Variants in COL5A1 observed in about 807,000 individuals in gnomAD.
COL5A1 encodes collagen type V alpha 1 chain.
COL5A1 carries 16 observed loss-of-function variants against 263.7 expected under a neutral mutation model. The observed-to-expected ratio is 0.06, with a 90% CI of 0.04 to 0.09. The LOEUF is 0.09. COL5A1 is among the 10% of genes least tolerant of loss of function. The pLI is 1.00. For synonymous variants in COL5A1, 1,012 were observed against 1,004.5 expected, an observed-to-expected ratio of 1.01 and a Z score of -0.14; for missense variants, 2,036 against 2,540.5, an observed-to-expected ratio of 0.80 and a Z score of 4.27.
chr9:134,692,943 C>A (rs1014928329), intron 2 of COL5A1, among the ~76,000 whole-genome samples: 1 of 151,884 alleles, frequency 6.6e-6, no homozygotes, highest in African/African-American at 2.4e-5. Context: ...CGTGGTGGTG[C>A]GCGCCTGTAA....
intron 4 of COL5A1, among the ~76,000 whole-genome samples, chr9:134,718,374 AG>A (rs1391457176): frequency 6.6e-6 from 1 of 152,238 alleles, no homozygotes; most frequent in African/African-American, 2.4e-5. Flanking sequence ...GGCAGAATCC[AG>A]GAATGTAAAG....
At chr9:134,707,412 T>G (rs1833873422) in intron 4 of COL5A1, among the ~76,000 whole-genome samples, 1 of 152,140 alleles carries the variant, frequency 6.6e-6, no homozygotes, top group Non-Finnish European at 1.5e-5. Context: ...TAATCCCTGA[T>G]TCCCTTTTTC....
At chr9:134,644,589 C>CT (rs1554773017) in intron 1 of COL5A1, among the ~76,000 whole-genome samples, 8 of 83,968 alleles carry the variant, frequency 9.5e-5, no homozygotes, top group Non-Finnish European at 1.8e-4. Flanking sequence ...GAGGCAGGCG[C>CT]GGGGGGGAGC....
chr9:134,685,044 A>ACCATCCATCCACCATCCATCCATCCAG (rs1832972600), intron 1 of COL5A1, among the ~76,000 whole-genome samples: 4 of 72,462 alleles, frequency 5.5e-5, no homozygotes, highest in Non-Finnish European at 1.1e-4. Context: ...TCATCCATCC[A>ACCATCCATCCACCATCCATCCATCCAG]CCATCCATCC....
At chr9:134,802,481 T>G (rs1838149641) in intron 38 of COL5A1, among the ~76,000 whole-genome samples, 3 of 152,218 alleles carry the variant, frequency 2.0e-5, no homozygotes, top group Admixed American at 1.3e-4. Context: ...GCACACCTCA[T>G]GTAGCGGTGA....
In COL5A1 at chr9:134,842,568, C is replaced by T. The variant is rs1564191899; in HGVS notation, c.*265C>T. The T allele has an allele frequency of 1.7e-6, 1 of 578,922 alleles. No individual in the cohort carries two copies. Among genetic ancestry groups the T allele is most frequent in the African/African-American group, 1.9e-5 (1 of 53,222 alleles). The allele number at this position is 578,922 out of a possible 1,614,324, so 35.9% of individuals were successfully genotyped here. A position where few individuals can be genotyped will look rare whatever the true frequency, so the allele number is the denominator to read the frequency against. On this transcript the variant is annotated 3_prime_UTR_variant, in exon 66 of 66. Transcript: ENST00000371817. The surrounding 1 kb of genome is among the most constrained non-coding windows in gnomAD (Gnocchi z 5.8). Reference sequence around the variant, plus strand: ...GCCCGCCCCACGCTCTGTCCACACCCACGCGCCCCGGGAGCGGGGCCATGC... The same window carrying T: ...GCCCGCCCCACGCTCTGTCCACACCTACGCGCCCCGGGAGCGGGGCCATGC...
In COL5A1 at chr9:134,794,700, A is replaced by G. The variant is rs1201378779; in HGVS notation, c.2701-382A>G. Among the ~76,000 whole-genome samples the G allele has an allele frequency of 6.6e-6, 1 of 152,176 alleles. No individual in the cohort carries two copies. Among genetic ancestry groups the G allele is most frequent in the Non-Finnish European group, 1.5e-5 (1 of 68,044 alleles). On this transcript the variant is annotated intron_variant, in intron 32 of 65. Transcript: ENST00000371817. This position sits in a 1 kb window ranked among gnomAD's most constrained non-coding sequence, Gnocchi z 4.3. ...GACTTTCTTCTCTTTTCTTGCAATA[A>G]TGATTTCCCTCCCTGCTGAGGACAG...
intron 18 of COL5A1, among the ~76,000 whole-genome samples, chr9:134,761,647 C>A (rs1836448152): frequency 6.6e-6 from 1 of 152,220 alleles, no homozygotes; most frequent in Admixed American, 6.5e-5. Context: ...TGTCCTGAGG[C>A]TGCCCACATG....
At chr9:134,730,183 C>T in intron 6 of COL5A1, 53 bp from the exon 7 acceptor site, 1 of 1,605,820 alleles carries the variant, frequency 6.2e-7, no homozygotes. Flanking sequence ...CCAGACCTGG[C>T]ACCACTGCCG....
At chr9:134,653,181 C>T (rs541616217) in intron 1 of COL5A1, 151 of 154,218 alleles carry the variant, frequency 9.8e-4, no homozygotes, top group African/African-American at 3.2e-3. Context: ...CACCTGGCAG[C>T]GGCACTCACT....
intron 21 of COL5A1, among the ~76,000 whole-genome samples, 158 bp from the exon 22 acceptor site, chr9:134,766,296 G>A (rs888067968): frequency 6.6e-6 from 1 of 152,196 alleles, no homozygotes; most frequent in South Asian, 2.1e-4. Flanking sequence ...CTCTGGGAAG[G>A]GATTTGGAGT....
At chr9:134,658,468 C>T (rs1263575203) in intron 1 of COL5A1, among the ~76,000 whole-genome samples, 1 of 152,192 alleles carries the variant, frequency 6.6e-6, no homozygotes, top group Non-Finnish European at 1.5e-5. Context: ...TGCACGTCCC[C>T]CCGCCCCTGC....
At position 134,756,790 on chromosome 9, in the gene COL5A1, G is replaced by C; in HGVS notation, c.1853G>C (p.Arg618Thr). The C allele has an allele frequency of 6.2e-7, 1 of 1,614,084 alleles. No homozygotes were observed. The highest frequency in any genetic ancestry group is 8.5e-7 in the Non-Finnish European group (1 of 1,180,036). Reference protein sequence around the residue: ...RRGRAGSDGARGMPGQTGPKG... With the variant: ...RRGRAGSDGATGMPGQTGPKG... ...GGTCGGGCTGGGAGTGATGGAGCCA[G>C]AGGAATGCCTGGACAAACTGGCCCC... Residue 618 changes from arginine (R) to threonine (T), a missense_variant, in exon 17 of 66, where the codon AGA becomes ACA. Coordinates refer to ENST00000371817, the MANE Select transcript of COL5A1 (RefSeq NM_000093.5).
chr9:134,744,138 C>A (rs1412312231), intron 11 of COL5A1, among the ~76,000 whole-genome samples: 1 of 152,220 alleles, frequency 6.6e-6, no homozygotes, highest in Non-Finnish European at 1.5e-5. Flanking sequence ...AAGAAGCAAG[C>A]AGCATGGGAT....
Position 134,767,052 on chromosome 9 carries a change from A to G in COL5A1, c.2186A>G (p.Gln729Arg), listed in dbSNP as rs1380565394. Residue 729 changes from glutamine (Q) to arginine (R), a missense_variant and splice_region_variant, in exon 23 of 66, where the codon CAG becomes CGG. Gln to Arg is a conservative substitution (Grantham distance 43). Transcript: ENST00000371817. ...PPGQQGNPGA[Q>R]GLPGPQGAIG... ...GGACAGCAGGGTAATCCAGGCGCCC[A>G]GGTAAGTGAGCCTGAGAGAGGCAGC... 2 of 1,613,146 alleles carry G rather than the reference A, an allele frequency of 1.2e-6. No homozygotes were observed. Among genetic ancestry groups the G allele is most frequent in the African/African-American group, 2.7e-5 (2 of 74,884 alleles).
chr9:134,728,118 G>A (rs1177656049), intron 5 of COL5A1, among the ~76,000 whole-genome samples: 1 of 152,202 alleles, frequency 6.6e-6, no homozygotes, highest in Non-Finnish European at 1.5e-5. Context: ...GAAGCTGTGG[G>A]ACCCCGTGGC....
intron 2 of COL5A1, among the ~76,000 whole-genome samples, chr9:134,693,524 T>G (rs1218020282): frequency 1.3e-5 from 2 of 152,112 alleles, no homozygotes; most frequent in African/African-American, 4.8e-5. Context: ...CAGATGAAGC[T>G]GGAGGTTGCT....
At chr9:134,718,866 C>G (rs1182120241) in intron 4 of COL5A1, among the ~76,000 whole-genome samples, 3 of 152,172 alleles carry the variant, frequency 2.0e-5, no homozygotes, top group South Asian at 4.1e-4. Flanking sequence ...GAGACCTTGC[C>G]TTCCTCCTGG....
At chr9:134,793,300 T>TG in intron 32 of COL5A1, among the ~76,000 whole-genome samples, 1 of 152,150 alleles carries the variant, frequency 6.6e-6, no homozygotes, top group Admixed American at 6.5e-5. Flanking sequence ...GCATGGCCAT[T>TG]GCTGGGACTG....
Sources: allele counts gnomAD v4.1 joint callset (sites outside exome capture counted in the v4.1 genomes callset), GRCh38; gene constraint gnomAD v4.1.1; non-coding constraint Gnocchi (gnomAD v3.1); transcripts MANE v1.5; gene names NCBI Gene and HGNC (gene_info 2026-07-23, HGNC 2026-07-21).